The following UNC13C variants were observed in gnomAD, a reference collection of about 807,000 sequenced individuals.
UNC13C encodes unc-13 homolog C, also known as protein unc-13 homolog C.
A neutral mutation model predicts 245.4 loss-of-function variants in UNC13C; 174 were observed. That is an observed-to-expected ratio of 0.71 (90% CI 0.63 to 0.80). UNC13C has a LOEUF of 0.80. Among genes scored for constraint, UNC13C ranks in the 30% least tolerant of loss-of-function variants. The pLI is 0.00. For synonymous variants in UNC13C, 992 were observed against 895.1 expected, an observed-to-expected ratio of 1.11 and a Z score of -1.93; for missense variants, 2,829 against 2,602.9, an observed-to-expected ratio of 1.09 and a Z score of -1.89.
At chr15:54,578,770 TGA>T (rs973335398) in intron 30 of UNC13C, among the ~76,000 whole-genome samples, 4 of 152,118 alleles carry the variant, frequency 2.6e-5, no homozygotes, top group Non-Finnish European at 5.9e-5. Flanking sequence ...GAAAACTGCT[TGA>T]GCAGGGAGAA....
At chr15:54,561,272 C>T (rs1897288691) in intron 29 of UNC13C, among the ~76,000 whole-genome samples, 2 of 151,180 alleles carry the variant, frequency 1.3e-5, no homozygotes, top group African/African-American at 4.8e-5. Flanking sequence ...GAGAGAGGTA[C>T]ATTGAAAATG....
chr15:54,110,196 C>A (rs1900697060), intron 2 of UNC13C, among the ~76,000 whole-genome samples: 1 of 151,832 alleles, frequency 6.6e-6, no homozygotes, highest in South Asian at 2.1e-4. Flanking sequence ...ATGAGAATTG[C>A]ATGAACCCAG....
At chr15:54,623,427 C>T (rs547095299) in intron 31 of UNC13C, among the ~76,000 whole-genome samples, 1 of 152,094 alleles carries the variant, frequency 6.6e-6, no homozygotes, top group Admixed American at 6.6e-5. Context: ...GCATACAATC[C>T]AAAATATTGT....
At chr15:54,275,552 A>G (rs2036809961) in intron 10 of UNC13C, among the ~76,000 whole-genome samples, 2 of 152,098 alleles carry the variant, frequency 1.3e-5, no homozygotes. Context: ...TTTATTATGT[A>G]TATATCTTTA....
intron 9 of UNC13C, 78 bp from the exon 10 acceptor site, chr15:54,265,277 G>T: frequency 8.2e-7 from 1 of 1,225,898 alleles, no homozygotes; most frequent in Non-Finnish European, 1.1e-6. Context: ...CCAAATGACA[G>T]AAAAATTGTC....
the UNC13C span, among the ~76,000 whole-genome samples, chr15:53,905,079 ACT>A: frequency 1.3e-5 from 2 of 152,044 alleles, no homozygotes; most frequent in African/African-American, 2.4e-5. Context: ...AACACACGAA[ACT>A]CTGCTTAAGT....
intron 17 of UNC13C, among the ~76,000 whole-genome samples, chr15:54,387,925 G>T (rs922975979): frequency 2.0e-5 from 3 of 152,072 alleles, no homozygotes; most frequent in Admixed American, 6.5e-5. Context: ...TAGCTGCCAT[G>T]ACTACAGCTA....
intron 18 of UNC13C, among the ~76,000 whole-genome samples, chr15:54,414,458 A>G (rs1399811186): frequency 1.3e-5 from 2 of 152,082 alleles, no homozygotes; most frequent in African/African-American, 2.4e-5. Context: ...ACTAGCCTGA[A>G]CCAACATAGT....
the UNC13C span, among the ~76,000 whole-genome samples, chr15:53,867,977 C>T: frequency 2.0e-5 from 3 of 152,146 alleles, no homozygotes; most frequent in Non-Finnish European, 2.9e-5. Flanking sequence ...ACCACAGGCA[C>T]CTGCCACCAT....
intron 4 of UNC13C, among the ~76,000 whole-genome samples, chr15:54,198,906 A>G (rs1308706398): frequency 6.6e-6 from 1 of 152,088 alleles, no homozygotes; most frequent in Non-Finnish European, 1.5e-5. Context: ...GTTAATTGTG[A>G]AGAGAAAGGT....
chr15:54,281,785 A>T (rs1373453146), intron 10 of UNC13C, among the ~76,000 whole-genome samples: 1 of 152,212 alleles, frequency 6.6e-6, no homozygotes, highest in Non-Finnish European at 1.5e-5. Flanking sequence ...CATTAAACAG[A>T]AGACAAAACC....
At chr15:54,611,289 A>T (rs1369726636) in intron 30 of UNC13C, among the ~76,000 whole-genome samples, 1 of 152,228 alleles carries the variant, frequency 6.6e-6, no homozygotes, top group Non-Finnish European at 1.5e-5. Flanking sequence ...GATTGAATTT[A>T]AAATTTCCAC....
At chr15:54,043,117 T>A (rs1052256739) in intron 2 of UNC13C, among the ~76,000 whole-genome samples, 1 of 152,198 alleles carries the variant, frequency 6.6e-6, no homozygotes, top group Non-Finnish European at 1.5e-5. Context: ...ACCTTATATG[T>A]GGATGGGTTT....
the UNC13C span, among the ~76,000 whole-genome samples, chr15:53,882,963 G>T: frequency 2.0e-5 from 3 of 151,958 alleles, no homozygotes; most frequent in South Asian, 6.2e-4. Context: ...TTAATACTTG[G>T]GTGATGAAAT....
intron 2 of UNC13C, among the ~76,000 whole-genome samples, chr15:54,091,871 T>G (rs1339318441): frequency 6.6e-6 from 1 of 152,232 alleles, no homozygotes; most frequent in African/African-American, 2.4e-5. Flanking sequence ...GATTTATTCC[T>G]TAAGTCTTAG....
intron 14 of UNC13C, among the ~76,000 whole-genome samples, chr15:54,325,299 T>C (rs900289071): frequency 4.0e-5 from 6 of 151,682 alleles, no homozygotes; most frequent in African/African-American, 1.2e-4. Flanking sequence ...CACATACAGG[T>C]TTAGAGATAA....
At chr15:54,190,750 A>G (rs2034155371) in intron 4 of UNC13C, among the ~76,000 whole-genome samples, 1 of 152,050 alleles carries the variant, frequency 6.6e-6, no homozygotes, top group Non-Finnish European at 1.5e-5. Flanking sequence ...GTGTATTTAT[A>G]TATAATAGAT....
intron 4 of UNC13C, among the ~76,000 whole-genome samples, chr15:54,195,391 G>A (rs2034320392): frequency 6.6e-6 from 1 of 152,108 alleles, no homozygotes; most frequent in Non-Finnish European, 1.5e-5. Context: ...TGGAACAAAG[G>A]CATAATGAAT....
intron 2 of UNC13C, among the ~76,000 whole-genome samples, chr15:54,105,185 G>A (rs1900375531): frequency 6.6e-6 from 1 of 151,998 alleles, no homozygotes; most frequent in Admixed American, 6.6e-5. Context: ...AGAGTTTCTG[G>A]GTCTATAGCT....
Sources: allele counts gnomAD v4.1 joint callset (sites outside exome capture counted in the v4.1 genomes callset), GRCh38; gene constraint gnomAD v4.1.1; transcripts MANE v1.5; gene names NCBI Gene and HGNC (gene_info 2026-07-23, HGNC 2026-07-21).